COL26A1: variants seen among roughly 807,000 people sequenced by gnomAD.
COL26A1 encodes collagen alpha-1(XXVI) chain.
Under a neutral mutation model 59.3 loss-of-function variants are expected in COL26A1, and 41 were observed. The ratio of observed to expected loss-of-function variants is 0.69; its 90% CI spans 0.54 to 0.90. The LOEUF (loss-of-function observed/expected upper bound fraction) is 0.90. Ranked by LOEUF, COL26A1 falls within the 40% of genes least tolerant of loss-of-function variation. The pLI is 0.00. For synonymous variants in COL26A1, 266 were observed against 256.0 expected (o/e 1.04, Z -0.37); for missense variants, 612 against 602.3 (o/e 1.02, Z -0.17).
chr7:101,475,873 T>TC (rs1794029611), intron 3 of COL26A1, among the ~76,000 whole-genome samples: 1 of 144,134 alleles, frequency 6.9e-6, no homozygotes, highest in Admixed American at 7.0e-5. Context: ...TCTCTCTTTC[T>TC]TTCTCTTTCT....
intron 1 of COL26A1, among the ~76,000 whole-genome samples, chr7:101,412,135 G>A (rs954863036): frequency 2.6e-5 from 4 of 152,068 alleles, no homozygotes; most frequent in African/African-American, 9.7e-5. Context: ...CAGGGGCAGA[G>A]CTTGGACACC....
intron 11 of COL26A1, among the ~76,000 whole-genome samples, chr7:101,553,725 G>A (rs982301088): frequency 3.9e-5 from 6 of 152,296 alleles, no homozygotes; most frequent in East Asian, 3.9e-4. Context: ...TCAACGGACC[G>A]GGTTCTCCCG....
intron 3 of COL26A1, among the ~76,000 whole-genome samples, chr7:101,488,000 C>A (rs1794304248): frequency 6.6e-6 from 1 of 152,002 alleles, no homozygotes; most frequent in South Asian, 2.1e-4. Context: ...AGGCTGGGCG[C>A]AGTGGCTCAC....
chr7:101,512,949 A>G (rs1225659251), intron 3 of COL26A1, among the ~76,000 whole-genome samples: 1 of 152,126 alleles, frequency 6.6e-6, no homozygotes, highest in Non-Finnish European at 1.5e-5. Flanking sequence ...CACTCCCCAG[A>G]AAGCATTGCA....
intron 1 of COL26A1, among the ~76,000 whole-genome samples, chr7:101,368,445 C>G (rs1791101360): frequency 6.6e-6 from 1 of 152,230 alleles, no homozygotes; most frequent in Admixed American, 6.5e-5. Context: ...TGGCAGTGTA[C>G]AGCTGCAGCA....
In COL26A1 at chr7:101,531,762, G is replaced by A. The variant is rs139590334; in HGVS notation, c.386-1320G>A. Reference sequence around the variant, plus strand: ...CCCAAACATCTATTGCAGAGGAATCGCCCTTTGTTTTTTGTTTTTTTTTTT... The same window carrying A: ...CCCAAACATCTATTGCAGAGGAATCACCCTTTGTTTTTTGTTTTTTTTTTT... On this transcript the variant is annotated intron_variant, in intron 3 of 12. Transcript: ENST00000313669. Among the ~76,000 whole-genome samples, 970 of 151,700 alleles carry A rather than the reference G, an allele frequency of 6.4e-3. 5 individuals carry two copies. Among genetic ancestry groups the A allele is most frequent in the African/African-American group, 0.022 (912 of 41,362 alleles).
intron 2 of COL26A1, among the ~76,000 whole-genome samples, chr7:101,442,823 G>A (rs963362705): frequency 1.3e-5 from 2 of 151,692 alleles, no homozygotes; most frequent in Non-Finnish European, 3.0e-5. Flanking sequence ...TGAGTCTGAG[G>A]GTGCTGAGCA....
At chr7:101,450,730 A>T (rs1482144499) in intron 3 of COL26A1, among the ~76,000 whole-genome samples, 1 of 147,964 alleles carries the variant, frequency 6.8e-6, no homozygotes, top group African/African-American at 2.5e-5. Flanking sequence ...TTATTGAATT[A>T]TTTATATTCC....
intron 3 of COL26A1, among the ~76,000 whole-genome samples, chr7:101,449,345 T>G (rs993043895): frequency 6.6e-6 from 1 of 152,212 alleles, no homozygotes; most frequent in Admixed American, 6.5e-5. Flanking sequence ...CACAGCCATC[T>G]GGTCCCCCCA....
chr7:101,469,936 C>T (rs757227241), intron 3 of COL26A1, among the ~76,000 whole-genome samples: 2 of 152,020 alleles, frequency 1.3e-5, no homozygotes, highest in East Asian at 3.9e-4. Context: ...GAAGTGGCGT[C>T]GCTGTCTGGG....
chr7:101,512,147 T>C (rs554489567), intron 3 of COL26A1, among the ~76,000 whole-genome samples: 1 of 152,144 alleles, frequency 6.6e-6, no homozygotes, highest in East Asian at 1.9e-4. Flanking sequence ...GGAGTGAGAA[T>C]ATTGGTCTTG....
chr7:101,557,334 C>T, intron 12 of COL26A1, 36 bp from the exon 13 acceptor site: 1 of 1,591,230 alleles, frequency 6.3e-7, no homozygotes, highest in Non-Finnish European at 8.6e-7. Flanking sequence ...GTTCCTAAGG[C>T]TCTACCTCGA....
intron 2 of COL26A1, among the ~76,000 whole-genome samples, chr7:101,447,380 T>G (rs1793224268): frequency 6.6e-6 from 1 of 152,220 alleles, no homozygotes; most frequent in Non-Finnish European, 1.5e-5. Flanking sequence ...AGTCAAACCA[T>G]AAACTAAATT....
At chr7:101,369,347 C>T (rs1165608237) in intron 1 of COL26A1, among the ~76,000 whole-genome samples, 3 of 150,848 alleles carry the variant, frequency 2.0e-5, no homozygotes, top group East Asian at 2.0e-4. Context: ...GTGGAGGTTG[C>T]AGTGAGCTGA....
chr7:101,369,605 C>T (rs1791136895), intron 1 of COL26A1, among the ~76,000 whole-genome samples: 1 of 150,648 alleles, frequency 6.6e-6, no homozygotes, highest in Non-Finnish European at 1.5e-5. Context: ...CCCGCCACCA[C>T]ACCCGGCTAA....
intron 3 of COL26A1, among the ~76,000 whole-genome samples, chr7:101,496,328 T>A (rs1169674454): frequency 1.3e-5 from 2 of 152,226 alleles, no homozygotes; most frequent in Admixed American, 6.5e-5. Flanking sequence ...CAGGTCAATT[T>A]ACCAAGACAC....
At chr7:101,426,232 G>A (rs1036766145) in intron 2 of COL26A1, among the ~76,000 whole-genome samples, 8 of 152,134 alleles carry the variant, frequency 5.3e-5, no homozygotes, top group Non-Finnish European at 8.8e-5. Context: ...GGAGGAACTC[G>A]GAAGGTTCCT....
intron 3 of COL26A1, among the ~76,000 whole-genome samples, chr7:101,486,462 G>T (rs1380438348): frequency 6.6e-6 from 1 of 152,232 alleles, no homozygotes; most frequent in Non-Finnish European, 1.5e-5. Flanking sequence ...GCACAGGCAG[G>T]TCCCTGCACA....
intron 3 of COL26A1, among the ~76,000 whole-genome samples, chr7:101,463,848 CCCT>C (rs1793686985): frequency 7.7e-6 from 1 of 130,610 alleles, no homozygotes; most frequent in African/African-American, 3.1e-5. Context: ...TTCCCTCCCT[CCCT>C]CTTTTTTCTC....
Sources: allele counts gnomAD v4.1 joint callset (sites outside exome capture counted in the v4.1 genomes callset), GRCh38; gene constraint gnomAD v4.1.1; transcripts MANE v1.5; gene names NCBI Gene and HGNC (gene_info 2026-07-23, HGNC 2026-07-21).